SDK2: variants seen among roughly 807,000 people sequenced by gnomAD.
SDK2 encodes the protein protein sidekick-2.
In SDK2, 105 loss-of-function variants were observed where a neutral mutation model predicts 253.9. That is an observed-to-expected ratio of 0.41 (90% CI 0.35 to 0.49). SDK2 has a LOEUF of 0.49. SDK2 is among the 20% of genes least tolerant of loss of function. The pLI, the probability that SDK2 is intolerant of heterozygous loss-of-function variation, is 0.06. For missense variants in SDK2, 2,608 were observed against 3,003.0 expected (o/e 0.87, Z 3.07); for synonymous variants, 1,249 against 1,234.9 (o/e 1.01, Z -0.24).
Position 73,361,574 on chromosome 17 carries a change from C to T in SDK2, c.5467+110G>A, listed in dbSNP as rs1237321981. 5 of 1,103,956 alleles carry T rather than the reference C, an allele frequency of 4.5e-6. No individual in the cohort carries two copies. The highest frequency in any genetic ancestry group is 1.5e-5 in the African/African-American group (1 of 65,364). The allele number at this position is 1,103,956 out of a possible 1,614,324, so 68.4% of individuals were successfully genotyped here. A position where few individuals can be genotyped will look rare whatever the true frequency, so the allele number is the denominator to read the frequency against. On this transcript the variant is annotated intron_variant, in intron 39 of 44. Transcript: ENST00000392650. This position sits in a 1 kb window ranked among gnomAD's most constrained non-coding sequence, Gnocchi z 4.1. The stretch of plus-strand genomic sequence containing the variant: ...CACCAGGGGAAAGAGTGAGCTCTGT[C>T]CTCCACTCTGTTTCCAGGGTCCAGC...
chr17:73,599,506 G>A (rs1348360811), intron 1 of SDK2, among the ~76,000 whole-genome samples: 4 of 151,278 alleles, frequency 2.6e-5, no homozygotes, highest in African/African-American at 9.8e-5. Context: ...CTGCACTCCA[G>A]CCTGGATGAC....
At chr17:73,378,160 C>T (rs1248614409) in intron 36 of SDK2, among the ~76,000 whole-genome samples, 1 of 116,518 alleles carries the variant, frequency 8.6e-6, no homozygotes, top group Non-Finnish European at 1.7e-5. Flanking sequence ...AGTGCAATGG[C>T]TCCACATGGC....
rs191493408 is a variant in SDK2 at position 73,609,151 on chromosome 17, T to C, written c.64+34874A>G. Among the ~76,000 whole-genome samples the C allele has an allele frequency of 1.1e-3, 174 of 152,208 alleles. 1 individual carries two copies. Among genetic ancestry groups the C allele is most frequent in the Non-Finnish European group, 1.9e-3 (129 of 68,016 alleles). On this transcript the variant is annotated intron_variant, in intron 1 of 44. Transcript: ENST00000392650. The surrounding 1 kb of genome is among the most constrained non-coding windows in gnomAD (Gnocchi z 4.4). ...TCAGGAGTTTGCAAGACCTTGTGTGTGTTCAGTTGGGATGACTTGGTCATC... is the reference window on the plus strand; with the variant it reads ...TCAGGAGTTTGCAAGACCTTGTGTGCGTTCAGTTGGGATGACTTGGTCATC...
At chr17:73,356,066 A>T (rs2062589861) in intron 40 of SDK2, among the ~76,000 whole-genome samples, 1 of 152,212 alleles carries the variant, frequency 6.6e-6, no homozygotes, top group South Asian at 2.1e-4. Context: ...TTTACAGATG[A>T]GGACACCAAG....
rs750250733 is a variant in SDK2 at position 73,405,517 on chromosome 17, T to TATATATATATAAATAA, written c.2485-3377_2485-3376insTTATTTATATATATAT. 9.1e-5 allele frequency among the ~76,000 whole-genome samples: 6 copies of TATATATATATAAATAA among 66,144 alleles called. 1 individual carries two copies. The highest frequency in any genetic ancestry group is 1.6e-4 in the Non-Finnish European group (6 of 37,286). The allele number at this position is 66,144 out of a possible 152,430, so 43.4% of individuals were successfully genotyped here. ...ATATATATATATATATATATATATATAAAGATCGAGAATGTGGAAAGTACA... is the reference window on the plus strand; with the variant it reads ...ATATATATATATATATATATATATATATATATATATAAATAAAAAGATCGAGAATGTGGAAAGTACA... On this transcript the variant is annotated intron_variant, in intron 18 of 44. Coordinates refer to ENST00000392650, the MANE Select transcript of SDK2 (RefSeq NM_001144952.2).
chr17:73,480,940 C>T (rs1382651834), intron 2 of SDK2, among the ~76,000 whole-genome samples: 1 of 152,204 alleles, frequency 6.6e-6, no homozygotes, highest in East Asian at 1.9e-4. Context: ...CTGTCCTGTG[C>T]TGTAATTCCC....
intron 1 of SDK2, among the ~76,000 whole-genome samples, chr17:73,529,691 G>C (rs1175966422): frequency 2.0e-5 from 3 of 152,090 alleles, no homozygotes; most frequent in Non-Finnish European, 4.4e-5. Context: ...GGAAGACAAA[G>C]GCAGAGATTG....
At position 73,338,611 on chromosome 17, in the gene SDK2, T is replaced by C; in HGVS notation, c.6495A>G (p.Ile2165Met). 6.6e-7 allele frequency: 1 copy of C among 1,525,392 alleles called. No individual in the cohort carries two copies. Among genetic ancestry groups the C allele is most frequent in the Non-Finnish European group, 8.8e-7 (1 of 1,142,166 alleles). 94.5% of individuals were successfully genotyped at this position (1,525,392 alleles called of 1,614,324 possible). A position where few individuals can be genotyped will look rare whatever the true frequency, so the allele number is the denominator to read the frequency against. Residue 2165 changes from isoleucine (I) to methionine (M), a missense_variant, in exon 45 of 45, where the codon ATA becomes ATG. Ile to Met is a conservative substitution (Grantham distance 10). Around this residue, in one of 2 missense-constraint regions of SDK2, gnomAD observed 1,103 missense variants for 1,143.9 expected, o/e 0.96. Transcript: ENST00000392650. The surrounding 1 kb of genome is among the most constrained non-coding windows in gnomAD (Gnocchi z 5.0). ...GTCAAACAAATGATGAAAATCCTGC[T>C]ATGGGAGCCCGGGAGCCTGGGGCCA... ...SSLAPGSRAPIAGFSSFV is the reference protein window; with the variant it reads ...SSLAPGSRAPMAGFSSFV
chr17:73,444,580 A>G (rs544483650), intron 5 of SDK2, among the ~76,000 whole-genome samples: 1 of 152,332 alleles, frequency 6.6e-6, no homozygotes, highest in African/African-American at 2.4e-5. Context: ...AACGTGATCC[A>G]TCCTCCCTGA....
In SDK2 at chr17:73,431,463, C is replaced by G. The variant is rs2063324908; in HGVS notation, c.1480+39G>C. ...GCACCTACAGGGATGTACACACGCACACACAAATGTATAAAGCCCTGTGGC... is the reference window on the plus strand; with the variant it reads ...GCACCTACAGGGATGTACACACGCAGACACAAATGTATAAAGCCCTGTGGC... On this transcript the variant is annotated intron_variant, in intron 11 of 44. Transcript: ENST00000392650. The surrounding 1 kb of genome is among the most constrained non-coding windows in gnomAD (Gnocchi z 5.6). The G allele has an allele frequency of 6.3e-7, 1 of 1,579,990 alleles. No individual in the cohort carries two copies. The highest frequency in any genetic ancestry group is 8.6e-7 in the Non-Finnish European group (1 of 1,162,072).
intron 38 of SDK2, among the ~76,000 whole-genome samples, chr17:73,363,970 G>C (rs2062662891): frequency 6.6e-6 from 1 of 151,972 alleles, no homozygotes; most frequent in African/African-American, 2.4e-5. Context: ...GGAAGACTGA[G>C]GGCCATTGTT....
chr17:73,601,658 C>G (rs1274584680), intron 1 of SDK2, among the ~76,000 whole-genome samples: 1 of 152,168 alleles, frequency 6.6e-6, no homozygotes, highest in Non-Finnish European at 1.5e-5. Flanking sequence ...AGGAGACGGT[C>G]CCGGGACAAG....
intron 1 of SDK2, among the ~76,000 whole-genome samples, chr17:73,532,235 C>T (rs984967385): frequency 7.4e-6 from 1 of 135,180 alleles, no homozygotes; most frequent in Admixed American, 8.6e-5. Context: ...CGATCCAGCA[C>T]GGAATGTCAA....
At chr17:73,500,182 TCTC>T (rs1372197302) in intron 2 of SDK2, among the ~76,000 whole-genome samples, 1 of 129,370 alleles carries the variant, frequency 7.7e-6, no homozygotes, top group Non-Finnish European at 1.6e-5. Flanking sequence ...CTCCCTCCAT[TCTC>T]CTCCATCCTC....
At chr17:73,540,394 A>G (rs2044849222) in intron 1 of SDK2, among the ~76,000 whole-genome samples, 1 of 152,188 alleles carries the variant, frequency 6.6e-6, no homozygotes. Context: ...CACAGTCCCC[A>G]ATATACTAAA....
At chr17:73,402,280 A>C in intron 18 of SDK2, 139 bp from the exon 19 acceptor site, 1 of 851,588 alleles carries the variant, frequency 1.2e-6, no homozygotes, top group Non-Finnish European at 1.8e-6. Flanking sequence ...GGGAAGGGAC[A>C]GGCAGTGCAG....
intron 3 of SDK2, among the ~76,000 whole-genome samples, chr17:73,458,160 G>A (rs558381917): frequency 6.6e-6 from 1 of 152,236 alleles, no homozygotes; most frequent in African/African-American, 2.4e-5. Flanking sequence ...ATTTTTAATA[G>A]AAACGAGGTC....
At chr17:73,591,951 C>A (rs1301161861) in intron 1 of SDK2, among the ~76,000 whole-genome samples, 2 of 152,116 alleles carry the variant, frequency 1.3e-5, no homozygotes, top group African/African-American at 2.4e-5. Flanking sequence ...AAAAGGCTGC[C>A]AAGAGCACAC....
At position 73,424,086 on chromosome 17, in the gene SDK2, G is replaced by C; in HGVS notation, c.1590C>G (p.Ile530Met). The C allele has an allele frequency of 6.2e-7, 1 of 1,611,436 alleles. No individual in the cohort carries two copies. The change falls in exon 13 of 45, where the codon ATC becomes ATG. Residue 530 changes from isoleucine to methionine, a missense_variant. Physicochemically the swap from Ile to Met is conservative, Grantham distance 10 (BLOSUM62 1). Transcript: ENST00000392650. ...CCAGGGTGGCCCCGTCCTTCTCCCA[G>C]ATGTACCTAAAAGTAAGAAGAACCC... Reference protein sequence around the residue: ...THDPRVTIRYIWEKDGATLGT... With the variant: ...THDPRVTIRYMWEKDGATLGT...
Sources: allele counts gnomAD v4.1 joint callset (sites outside exome capture counted in the v4.1 genomes callset), GRCh38; gene constraint gnomAD v4.1.1; regional missense constraint gnomAD v4.1.1; non-coding constraint Gnocchi (gnomAD v3.1); transcripts MANE v1.5; gene names NCBI Gene and HGNC (gene_info 2026-07-23, HGNC 2026-07-21).